The following CCNH variants were observed in gnomAD, a reference collection of about 807,000 sequenced individuals.
CCNH encodes cyclin H, also known as cyclin-H.
A neutral mutation model predicts 41.9 loss-of-function variants in CCNH; 31 were observed. The observed-to-expected ratio is 0.74, with a 90% CI of 0.56 to 1.00. CCNH has a LOEUF of 1.00. Ranked by LOEUF, CCNH falls within the 50% of genes least tolerant of loss-of-function variation. CCNH has a pLI of 0.00. For synonymous variants in CCNH, 138 were observed against 136.1 expected (o/e 1.01, Z -0.10); for missense variants, 362 against 388.4 (o/e 0.93, Z 0.57).
At position 87,401,687 on chromosome 5, in the gene CCNH, T is replaced by C. The variant is rs777375559; in HGVS notation, c.760+15A>G. On this transcript the variant is annotated intron_variant, in intron 6 of 8. Coordinates refer to ENST00000256897, the MANE Select transcript of CCNH (RefSeq NM_001239.4). ...ATTGGAAGAAACATTTTGTAAAGTG[T>C]TCTCTTTTACTTACTTTTCATTATA... 3 of 1,506,032 alleles carry C rather than the reference T, an allele frequency of 2.0e-6. No individual in the cohort carries two copies. The highest frequency in any genetic ancestry group is 2.4e-5 in the South Asian group (2 of 83,190). The allele number at this position is 1,506,032 out of a possible 1,614,324, so 93.3% of individuals were successfully genotyped here.
At chr5:87,352,337 A>G (rs891078274) in intron 9 of CCNH, among the ~76,000 whole-genome samples, 13 of 151,446 alleles carry the variant, frequency 8.6e-5, no homozygotes, top group African/African-American at 3.1e-4. Context: ...CTAATTATAT[A>G]TATATAGAAG....
downstream of CCNH, among the ~76,000 whole-genome samples, chr5:87,372,521 GATC>G (rs1341579591): frequency 1.3e-5 from 2 of 152,234 alleles, no homozygotes; most frequent in African/African-American, 2.4e-5. Context: ...ACATTGAAAA[GATC>G]ATCAGATTTA....
downstream of CCNH, among the ~76,000 whole-genome samples, chr5:87,371,625 T>C (rs1255138923): frequency 6.6e-6 from 1 of 152,090 alleles, no homozygotes; most frequent in Non-Finnish European, 1.5e-5. Context: ...CATTTCTACC[T>C]GTATCATGGT....
Position 87,360,904 on chromosome 5 carries a change from G to A in CCNH, c.*90+31866C>T, listed in dbSNP as rs144518252. Among the ~76,000 whole-genome samples, 1,154 of 152,186 alleles carry A rather than the reference G, an allele frequency of 7.6e-3. 17 individuals are homozygous for A. The highest frequency in any genetic ancestry group is 0.027 in the African/African-American group (1,111 of 41,522). Reference sequence around the variant, plus strand: ...GTTTTTTTCTCTTTATCATTTATGAGCAGAAAATAAAGAGTTCTGAATATT... The same window carrying A: ...GTTTTTTTCTCTTTATCATTTATGAACAGAAAATAAAGAGTTCTGAATATT... On this transcript the variant is annotated intron_variant and NMD_transcript_variant, in intron 9 of 9. Coordinates refer to the CCNH transcript ENST00000645953.
At chr5:87,336,643 C>T (rs910662167) in intron 9 of CCNH, among the ~76,000 whole-genome samples, 12 of 151,998 alleles carry the variant, frequency 7.9e-5, no homozygotes, top group African/African-American at 2.7e-4. Context: ...GTTGGTATAG[C>T]AACAACAATG....
chr5:87,401,603 C>T (rs1763418366), intron 6 of CCNH, 99 bp downstream of exon 6: 1 of 755,400 alleles, frequency 1.3e-6, no homozygotes, highest in East Asian at 2.8e-5. Context: ...GAAATCTAAA[C>T]AAAAATCTGT....
the CCNH span, among the ~76,000 whole-genome samples, chr5:87,311,625 G>A: frequency 1.3e-5 from 2 of 152,134 alleles, no homozygotes; most frequent in Admixed American, 1.3e-4. Flanking sequence ...CTTAACTGCC[G>A]CTCACAGCAG....
At chr5:87,345,083 C>G (rs192466954) in intron 9 of CCNH, among the ~76,000 whole-genome samples, 20 of 152,174 alleles carry the variant, frequency 1.3e-4, no homozygotes, top group Admixed American at 5.9e-4. Flanking sequence ...AAGAGATCCT[C>G]CTGCCTTGGC....
At chr5:87,403,911 C>T (rs531615274) in intron 5 of CCNH, among the ~76,000 whole-genome samples, 1 of 152,310 alleles carries the variant, frequency 6.6e-6, no homozygotes, top group African/African-American at 2.4e-5. Flanking sequence ...AAGTGTAGTA[C>T]AGTGCATAGT....
At chr5:87,376,230 C>A, downstream of CCNH, 1 of 776,244 alleles carries the variant, frequency 1.3e-6, no homozygotes. Context: ...CGTAGACACT[C>A]AGTAAATAAA....
intron 7 of CCNH, 133 bp from the exon 8 acceptor site, chr5:87,395,237 T>G (rs937580036): frequency 8.0e-6 from 5 of 624,666 alleles, no homozygotes; most frequent in Non-Finnish European, 1.1e-5. Context: ...TGGAAAAAGA[T>G]AAACAGCTAT....
At chr5:87,401,571 TA>T in intron 6 of CCNH, 130 bp downstream of exon 6, 1 of 643,044 alleles carries the variant, frequency 1.6e-6, no homozygotes, top group Non-Finnish European at 2.7e-6. Flanking sequence ...CATGCTTCCA[TA>T]ATACAGTAAT....
At chr5:87,338,000 T>C (rs1050876751) in intron 9 of CCNH, 1 of 1,611,336 alleles carries the variant, frequency 6.2e-7, no homozygotes, top group Non-Finnish European at 8.5e-7. Flanking sequence ...ATGTTCATTG[T>C]TCATAATGAA....
rs369795408 is a variant in CCNH, at chr5:87,329,713, G to T, written c.*91-10816C>A. 3.9e-4 allele frequency among the ~76,000 whole-genome samples: 60 copies of T among 152,080 alleles called. 1 individual carries two copies. The South Asian group carries it at 0.012, about 31-fold the overall frequency. ...TTGTCCTTAATTTTATCTTTGTTGG[G>T]TATATAAATCTGCTCTCTGGGATAG... is the stretch of plus-strand genomic sequence containing the variant. On this transcript the variant is annotated intron_variant and NMD_transcript_variant, in intron 9 of 9. Transcript: ENST00000645953.
At chr5:87,398,305 C>T (rs1298646359) in intron 7 of CCNH, among the ~76,000 whole-genome samples, 5 of 152,150 alleles carry the variant, frequency 3.3e-5, no homozygotes. Flanking sequence ...GACATAAAGG[C>T]CTTGGAATTG....
At chr5:87,311,730 T>G in the CCNH span, among the ~76,000 whole-genome samples, 2 of 152,344 alleles carry the variant, frequency 1.3e-5, no homozygotes, top group South Asian at 4.1e-4. Flanking sequence ...CATGAAGGTC[T>G]AAAGTGCCCA....
At chr5:87,336,666 A>G (rs1191328533) in intron 9 of CCNH, among the ~76,000 whole-genome samples, 1 of 152,142 alleles carries the variant, frequency 6.6e-6, no homozygotes, top group East Asian at 1.9e-4. Context: ...ACTTGAAATT[A>G]GAAATATCTC....
chr5:87,395,149 G>A, intron 7 of CCNH, 45 bp from the exon 8 acceptor site: 1 of 1,555,696 alleles, frequency 6.4e-7, no homozygotes, highest in Non-Finnish European at 8.8e-7. Context: ...ACCAGCCACA[G>A]AAACTATAAA....
chr5:87,367,410 A>C (rs565565900), intron 9 of CCNH, among the ~76,000 whole-genome samples: 6 of 152,340 alleles, frequency 3.9e-5, no homozygotes, highest in South Asian at 4.1e-4. Context: ...ATTTAGAAGA[A>C]GACTAATGTG....
Sources: allele counts gnomAD v4.1 joint callset (sites outside exome capture counted in the v4.1 genomes callset), GRCh38; gene constraint gnomAD v4.1.1; transcripts MANE v1.5; gene names NCBI Gene and HGNC (gene_info 2026-07-23, HGNC 2026-07-21).